Variants in NR1H3 observed in about 807,000 individuals in gnomAD.
NR1H3 encodes the protein oxysterols receptor LXR-alpha.
In NR1H3, 19 loss-of-function variants were observed where a neutral mutation model predicts 48.1. The observed-to-expected ratio is 0.40, with a 90% confidence interval of 0.28 to 0.58. NR1H3 has a LOEUF of 0.58. Among genes scored for constraint, NR1H3 ranks in the 20% least tolerant of loss-of-function variants. The pLI, the probability that NR1H3 is intolerant of heterozygous loss-of-function variation, is 0.50. For synonymous variants in NR1H3, 232 were observed against 227.3 expected, an observed-to-expected ratio of 1.02 and a Z score of -0.19; for missense variants, 486 against 595.9, an observed-to-expected ratio of 0.82 and a Z score of 1.92.
upstream of NR1H3, chr11:47,248,521 G>C (rs1338093575): frequency 6.4e-6 from 10 of 1,551,312 alleles, no homozygotes; most frequent in Non-Finnish European, 8.7e-6. Context: ...CCATAAGCCA[G>C]GGCTCCAGGT....
In NR1H3 at chr11:47,268,648, C is replaced by CA; in HGVS notation, c.1301dup (p.Leu435AlafsTer7). The CA allele has an allele frequency of 8.7e-6, 14 of 1,614,136 alleles. No homozygotes were observed. The highest frequency in any genetic ancestry group is 1.2e-5 in the Non-Finnish European group (14 of 1,180,028). ...AAGTGTTTGCACTGCGTCTGCAGGA[C>CA]AAAAAGCTCCCACCGCTGCTCTCTG... On this transcript the variant is annotated frameshift_variant, in exon 10 of 10. Transcript: ENST00000441012. LOFTEE classifies it high-confidence loss of function.
intron 1 of NR1H3, among the ~76,000 whole-genome samples, chr11:47,249,491 GT>G (rs1269441060): frequency 3.3e-5 from 5 of 152,156 alleles, no homozygotes; most frequent in African/African-American, 1.2e-4. Flanking sequence ...TCCCAAAGGA[GT>G]TGGGTTGCAC....
At chr11:47,265,953 T>C (rs983403953) in intron 7 of NR1H3, among the ~76,000 whole-genome samples, 5 of 152,218 alleles carry the variant, frequency 3.3e-5, no homozygotes, top group African/African-American at 1.2e-4. Flanking sequence ...ATAGGTACTA[T>C]TATTATTCCC....
intron 3 of NR1H3, 103 bp from the exon 4 acceptor site, chr11:47,260,306 T>G (rs2135627927): frequency 1.4e-6 from 2 of 1,424,364 alleles, no homozygotes; most frequent in East Asian, 4.6e-5. Context: ...GTTTGTATAA[T>G]GAAGGGAATG....
chr11:47,265,640 G>A (rs550672846), intron 7 of NR1H3, among the ~76,000 whole-genome samples: 3 of 152,278 alleles, frequency 2.0e-5, no homozygotes, highest in African/African-American at 4.8e-5. Flanking sequence ...TTGGGAGGCC[G>A]AGGCAGGCAG....
At chr11:47,252,959 C>CTTTTTTTTTT (rs35321542) in intron 1 of NR1H3, among the ~76,000 whole-genome samples, 1 of 113,296 alleles carries the variant, frequency 8.8e-6, no homozygotes, top group Non-Finnish European at 1.8e-5. Context: ...AACTTGTATT[C>CTTTTTTTTTT]TTTTTTTTTT....
At chr11:47,253,290 A>T (rs1267901366), upstream of NR1H3, among the ~76,000 whole-genome samples, 1 of 152,110 alleles carries the variant, frequency 6.6e-6, no homozygotes, top group Non-Finnish European at 1.5e-5. Flanking sequence ...TTCAAATTTG[A>T]TATTTGCCCC....
chr11:47,254,167 A>T (rs1954886429), upstream of NR1H3, among the ~76,000 whole-genome samples: 1 of 152,048 alleles, frequency 6.6e-6, no homozygotes, highest in Non-Finnish European at 1.5e-5. Flanking sequence ...CTCCCACAAG[A>T]TGGGGCTCGT....
intron 1 of NR1H3, among the ~76,000 whole-genome samples, chr11:47,252,506 A>C (rs1486101210): frequency 6.6e-6 from 1 of 151,604 alleles, no homozygotes; most frequent in African/African-American, 2.4e-5. Context: ...TGATCTGCCC[A>C]TTTTGGCCTC....
intron 1 of NR1H3, 38 bp from the exon 2 acceptor site, chr11:47,259,142 C>T: frequency 6.2e-7 from 1 of 1,608,366 alleles, no homozygotes; most frequent in South Asian, 1.1e-5. Flanking sequence ...AGAAAGGAGC[C>T]CAGTTCTAGA....
chr11:47,260,421 A>C lies in NR1H3; in HGVS notation c.245A>C (p.Gln82Pro). Residue 82 changes from glutamine (Q) to proline (P), a missense_variant, in exon 4 of 10, where the codon CAA becomes CCA. Gln to Pro is a moderately conservative substitution (Grantham distance 76). Transcript: ENST00000441012. ...PPSEPTEIRP[Q>P]KRKKGPAPKM... The stretch of plus-strand genomic sequence containing the variant: ...TTCCTGTATCCAGAGATCCGTCCAC[A>C]AAAGCGGAAAAAGGGGCCAGCCCCC... 6.2e-7 allele frequency: 1 copy of C among 1,613,164 alleles called. No homozygotes were observed. The highest frequency in any genetic ancestry group is 8.5e-7 in the Non-Finnish European group (1 of 1,179,294).
chr11:47,265,412 A>G (rs1256694970), intron 7 of NR1H3, among the ~76,000 whole-genome samples: 1 of 152,228 alleles, frequency 6.6e-6, no homozygotes, highest in Non-Finnish European at 1.5e-5. Flanking sequence ...TTGAATGGAA[A>G]AGTGTAGCAG....
chr11:47,260,061 C>T (rs1271558005), intron 3 of NR1H3, 82 bp downstream of exon 3: 8 of 1,216,836 alleles, frequency 6.6e-6, no homozygotes, highest in Non-Finnish European at 8.9e-6. Context: ...GGGGTTTTTA[C>T]TTTATATATA....
At chr11:47,259,285 C>T in intron 2 of NR1H3, 26 bp downstream of exon 2, 2 of 1,614,136 alleles carry the variant, frequency 1.2e-6, no homozygotes, top group African/African-American at 1.3e-5. Flanking sequence ...TCCCTCTCCC[C>T]TGAGCCCAGA....
At chr11:47,262,136 T>C in intron 7 of NR1H3, 118 bp downstream of exon 7, 1 of 699,130 alleles carries the variant, frequency 1.4e-6, no homozygotes, top group Non-Finnish European at 2.4e-6. Flanking sequence ...TCCCAGCACT[T>C]TGGGAGGCCG....
upstream of NR1H3, among the ~76,000 whole-genome samples, chr11:47,253,043 C>T (rs1954791586): frequency 2.0e-5 from 3 of 148,982 alleles, 1 homozygote; most frequent in South Asian, 4.3e-4. Flanking sequence ...ACTGCAGCCT[C>T]GACCTCCTGG....
In NR1H3 at chr11:47,268,959, C is replaced by G. The variant is rs1421299967; in HGVS notation, c.*263C>G. 4 of 464,836 alleles carry G rather than the reference C, an allele frequency of 8.6e-6. No individual in the cohort carries two copies. Among genetic ancestry groups the G allele is most frequent in the Non-Finnish European group, 1.5e-5 (4 of 258,600 alleles). The allele number at this position is 464,836 out of a possible 1,614,324, so 28.8% of individuals were successfully genotyped here. A position where few individuals can be genotyped will look rare whatever the true frequency, so the allele number is the denominator to read the frequency against. On this transcript the variant is annotated 3_prime_UTR_variant, in exon 10 of 10. Coordinates refer to ENST00000441012, the MANE Select transcript of NR1H3 (RefSeq NM_005693.4). Reference sequence around the variant, plus strand: ...TGGGGGCCACTTTGCACAGGGTTCTCCAGAGCCCTGCCCATCCTGCCTCCA... The same window carrying G: ...TGGGGGCCACTTTGCACAGGGTTCTGCAGAGCCCTGCCCATCCTGCCTCCA...
At chr11:47,256,037 C>T (rs765304877), upstream of NR1H3, among the ~76,000 whole-genome samples, 1 of 151,738 alleles carries the variant, frequency 6.6e-6, no homozygotes, top group East Asian at 1.9e-4. Flanking sequence ...TTTTATTTAT[C>T]TTTCTTTCTT....
At chr11:47,257,535 T>G (rs1335080502), upstream of NR1H3, 1 of 472,308 alleles carries the variant, frequency 2.1e-6, no homozygotes, top group Non-Finnish European at 2.8e-6. Context: ...GGAGAGCTTC[T>G]TGGCCTCTTC....
Sources: gnomAD v4.1 joint callset for allele counts (sites outside exome capture counted in the v4.1 genomes callset) on GRCh38, gnomAD v4.1.1 for gene constraint, MANE v1.5 for transcripts, NCBI Gene and HGNC (gene_info 2026-07-23, HGNC 2026-07-21) for gene names.